RBFOX1: variants seen among roughly 807,000 people sequenced by gnomAD.
RBFOX1 encodes the protein RNA binding fox-1 homolog 1.
A neutral mutation model predicts 57.7 loss-of-function variants in RBFOX1; 8 were observed. That is an observed-to-expected ratio of 0.14 (90% CI 0.08 to 0.25). RBFOX1 has a LOEUF of 0.25. Among genes scored for constraint, RBFOX1 ranks in the 10% least tolerant of loss-of-function variants. The pLI is 1.00. For missense variants in RBFOX1, 611 were observed against 548.5 expected (o/e 1.11, Z -1.14); for synonymous variants, 326 against 222.4 (o/e 1.47, Z -4.15).
rs2067484398 is a variant in RBFOX1 at position 5,424,923 on chromosome 16, CTTTCTTTCTT to C, written c.220-42291_220-42282del. 8.9e-5 allele frequency among the ~76,000 whole-genome samples: 8 copies of C among 89,594 alleles called. 1 individual carries two copies. In the South Asian group the frequency reaches 1.7e-3, roughly 19 times the overall value. The allele number at this position is 89,594 out of a possible 152,430, so 58.8% of individuals were successfully genotyped here. A position where few individuals can be genotyped will look rare whatever the true frequency, so the allele number is the denominator to read the frequency against. Reference sequence around the variant, plus strand: ...TCTTTCTTTCTTTCTTTCTTTCTTTCTTTCTTTCTTTCTCTCTCTTCTTTCTTCCTTTGTT... The same window carrying C: ...TCTTTCTTTCTTTCTTTCTTTCTTTCTCTCTCTCTTCTTTCTTCCTTTGTT... On this transcript the variant is annotated intron_variant, in intron 1 of 2. Transcript: ENST00000585867.
chr16:5,395,230 TC>T (rs369786576), intron 1 of RBFOX1, among the ~76,000 whole-genome samples: 3 of 152,230 alleles, frequency 2.0e-5, no homozygotes, highest in African/African-American at 7.2e-5. Flanking sequence ...CTTCTCCATC[TC>T]ACTAACTCTT....
intron 4 of RBFOX1, among the ~76,000 whole-genome samples, chr16:7,502,433 G>T (rs148795646): frequency 9.1e-4 from 138 of 152,274 alleles, no homozygotes; most frequent in African/African-American, 3.2e-3. Flanking sequence ...CAATGTAGGG[G>T]TGGCAGGTGG....
chr16:7,186,673 A>G (rs1011658035), intron 4 of RBFOX1, among the ~76,000 whole-genome samples: 6 of 148,072 alleles, frequency 4.1e-5, no homozygotes, highest in African/African-American at 1.5e-4. Flanking sequence ...ATATTTATAT[A>G]CATACTTACG....
At chr16:7,078,470 C>G (rs931621067) in intron 4 of RBFOX1, among the ~76,000 whole-genome samples, 3 of 152,060 alleles carry the variant, frequency 2.0e-5, no homozygotes, top group Non-Finnish European at 4.4e-5. Flanking sequence ...ACCTCAGTCT[C>G]CCGAGTAGCT....
Position 5,543,401 on chromosome 16 carries a change from G to T in RBFOX1, c.259-55501G>T, listed in dbSNP as rs1310451701. ...GATATTTGAGATTTAAATTCATGGG[G>T]TGAAATCAACGGCGGATTAGACATT... On this transcript the variant is annotated intron_variant, in intron 2 of 2. Transcript: ENST00000585867. Among the ~76,000 whole-genome samples, 3 of 152,126 alleles carry T rather than the reference G, an allele frequency of 2.0e-5. No homozygotes were observed. In the East Asian group the frequency reaches 5.8e-4, roughly 29 times the overall value.
chr16:6,711,183 G>A (rs1253568774), intron 3 of RBFOX1, among the ~76,000 whole-genome samples: 1 of 152,096 alleles, frequency 6.6e-6, no homozygotes, highest in African/African-American at 2.4e-5. Flanking sequence ...TGCCACCATG[G>A]GGACCATCAT....
intron 1 of RBFOX1, among the ~76,000 whole-genome samples, chr16:5,353,990 T>G (rs931645984): frequency 2.0e-5 from 3 of 152,064 alleles, no homozygotes; most frequent in African/African-American, 7.2e-5. Context: ...CTAGCTCAGC[T>G]GGGGAAGGCT....
At chr16:5,245,530 C>A (rs889820699) in intron 1 of RBFOX1, among the ~76,000 whole-genome samples, 9 of 152,134 alleles carry the variant, frequency 5.9e-5, no homozygotes, top group African/African-American at 1.9e-4. Context: ...CTGGGGAACC[C>A]ACCTCCCAGG....
intron 3 of RBFOX1, among the ~76,000 whole-genome samples, chr16:6,841,439 G>C (rs903602525): frequency 1.3e-5 from 2 of 151,922 alleles, no homozygotes; most frequent in Non-Finnish European, 2.9e-5. Flanking sequence ...TTTTTCTTTT[G>C]TTTGCTTGTC....
At chr16:6,625,716 C>G (rs770321233) in intron 2 of RBFOX1, among the ~76,000 whole-genome samples, 1 of 147,650 alleles carries the variant, frequency 6.8e-6, no homozygotes. Flanking sequence ...AATCTTGTTT[C>G]TGTTATTTCC....
intron 10 of RBFOX1, among the ~76,000 whole-genome samples, chr16:7,610,773 A>C (rs2057328440): frequency 6.6e-6 from 1 of 152,224 alleles, no homozygotes; most frequent in Non-Finnish European, 1.5e-5. Context: ...AGTTTCAGGC[A>C]CCTGCATCTA....
chr16:6,586,257 T>A (rs571223393), intron 2 of RBFOX1, among the ~76,000 whole-genome samples: 83 of 152,340 alleles, frequency 5.4e-4, no homozygotes, highest in African/African-American at 1.9e-3. Context: ...ACCAACAATT[T>A]CTTTGAACCA....
intron 3 of RBFOX1, among the ~76,000 whole-genome samples, chr16:6,962,841 G>A (rs1030528701): frequency 1.3e-5 from 2 of 151,926 alleles, no homozygotes; most frequent in African/African-American, 2.4e-5. Flanking sequence ...CTCCAGCCTG[G>A]GCGGCAGAAT....
chr16:6,557,046 C>T (rs868024105), intron 2 of RBFOX1, among the ~76,000 whole-genome samples: 16 of 126,662 alleles, frequency 1.3e-4, no homozygotes, highest in African/African-American at 5.9e-4. Flanking sequence ...CATATATATA[C>T]ATATATATAC....
At chr16:7,265,882 G>C (rs1321926640) in intron 4 of RBFOX1, among the ~76,000 whole-genome samples, 2 of 148,654 alleles carry the variant, frequency 1.3e-5, no homozygotes, top group African/African-American at 5.0e-5. Flanking sequence ...GGTAAGAGCT[G>C]TTTAGATCAT....
Position 7,709,719 on chromosome 16 carries a change from T to C in RBFOX1, c.1071+588T>C, listed in dbSNP as rs559642071. The C allele has an allele frequency of 3.0e-5, 28 of 944,204 alleles. No homozygotes were observed. The South Asian group carries it at 1.0e-3, about 35-fold the overall frequency. 58.5% of individuals were successfully genotyped at this position (944,204 alleles called of 1,614,324 possible). On this transcript the variant is annotated intron_variant, in intron 15 of 15. Transcript: ENST00000550418. ...AGCTGGGTTTGGGGGTTGCCTTTTG[T>C]TTTGGGGCAGGTCTGGGTTTTTGTT...
intron 2 of RBFOX1, among the ~76,000 whole-genome samples, chr16:6,507,936 C>A (rs1239355346): frequency 3.3e-5 from 5 of 151,972 alleles, no homozygotes; most frequent in African/African-American, 1.2e-4. Flanking sequence ...CATCACTTTT[C>A]ACAATAGCAA....
chr16:5,569,437 CCTT>C (rs2046192111), intron 2 of RBFOX1, among the ~76,000 whole-genome samples: 1 of 58,622 alleles, frequency 1.7e-5, no homozygotes, highest in Non-Finnish European at 3.4e-5. Flanking sequence ...TAAGAAGTAA[CCTT>C]TTTTTTTTTT....
At chr16:6,216,087 C>A (rs1000603240) in intron 1 of RBFOX1, among the ~76,000 whole-genome samples, 4 of 152,092 alleles carry the variant, frequency 2.6e-5, no homozygotes, top group African/African-American at 9.7e-5. Context: ...GATAAGAACA[C>A]ATGGGCACAT....
Sources: gnomAD v4.1 joint callset for allele counts (sites outside exome capture counted in the v4.1 genomes callset) on GRCh38, gnomAD v4.1.1 for gene constraint, MANE v1.5 for transcripts, NCBI Gene and HGNC (gene_info 2026-07-23, HGNC 2026-07-21) for gene names.